The following SHISA5 variants were observed in gnomAD, a reference collection of about 807,000 sequenced individuals.
The protein encoded by SHISA5 is protein shisa-5.
SHISA5 carries 21 observed loss-of-function variants against 27.5 expected under a neutral mutation model. The observed-to-expected ratio is 0.76, with a 90% CI of 0.54 to 1.10. The LOEUF is 1.10. SHISA5 is among the 50% of genes least tolerant of loss of function. The pLI, the probability that SHISA5 is intolerant of heterozygous loss-of-function variation, is 0.00. For missense variants in SHISA5, 314 were observed against 336.3 expected, an observed-to-expected ratio of 0.93 and a Z score of 0.52; for synonymous variants, 137 against 142.2, an observed-to-expected ratio of 0.96 and a Z score of 0.26.
At chr3:48,472,998 G>A (rs976839803) in intron 3 of SHISA5, 14 of 1,535,424 alleles carry the variant, frequency 9.1e-6, no homozygotes, top group African/African-American at 2.7e-5. Flanking sequence ...GCAGCATGGC[G>A]CCCAAGCTCA....
intron 3 of SHISA5, among the ~76,000 whole-genome samples, chr3:48,477,941 A>G (rs1324066208): frequency 2.0e-5 from 3 of 152,014 alleles, no homozygotes; most frequent in Non-Finnish European, 1.5e-5. Context: ...CCCACCTCCC[A>G]CACCCACCCC....
chr3:48,485,543 A>T (rs886069926), intron 2 of SHISA5, among the ~76,000 whole-genome samples: 1 of 138,468 alleles, frequency 7.2e-6, no homozygotes, highest in African/African-American at 2.6e-5. Context: ...TATATATATT[A>T]TATATATAAT....
At position 48,469,998 on chromosome 3, in the gene SHISA5, T is replaced by G; in HGVS notation, c.315-155A>C. 1.0e-6 allele frequency: 1 copy of G among 976,188 alleles called. No homozygotes were observed. The highest frequency in any genetic ancestry group is 1.5e-6 in the Non-Finnish European group (1 of 663,530). The allele number at this position is 976,188 out of a possible 1,614,324, so 60.5% of individuals were successfully genotyped here. A position where few individuals can be genotyped will look rare whatever the true frequency, so the allele number is the denominator to read the frequency against. ...TGGCCTGCACCTGTTTCAATCTGTT[T>G]CCTCTTGTGTAAACTGGGGTATATG... On this transcript the variant is annotated intron_variant, in intron 3 of 5. Transcript: ENST00000296444. This position sits in a 1 kb window ranked among gnomAD's most constrained non-coding sequence, Gnocchi z 4.6.
rs578049684 is a variant in SHISA5 at position 48,479,926 on chromosome 3, C to T, written c.234-669G>A. On this transcript the variant is annotated intron_variant, in intron 2 of 5. Coordinates refer to ENST00000296444, the MANE Select transcript of SHISA5 (RefSeq NM_016479.6). ...CAAAGTTTTTTTTTTTTTTTTGAGA[C>T]AGAGTCTTGCTCTCTCGCCCAGGCT... Among the ~76,000 whole-genome samples, 9 of 122,068 alleles carry T rather than the reference C, an allele frequency of 7.4e-5. No homozygotes were observed. In the South Asian group the frequency reaches 2.4e-3, roughly 32 times the overall value. The allele number at this position is 122,068 out of a possible 152,430, so 80.1% of individuals were successfully genotyped here. A position where few individuals can be genotyped will look rare whatever the true frequency, so the allele number is the denominator to read the frequency against.
chr3:48,502,069 G>A (rs1358679674), intron 1 of SHISA5, among the ~76,000 whole-genome samples: 2 of 152,040 alleles, frequency 1.3e-5, no homozygotes, highest in African/African-American at 2.4e-5. Flanking sequence ...CGCCATGTTG[G>A]CCAGGCTGGT....
chr3:48,501,263 C>G lies in SHISA5; in HGVS notation c.107G>C (p.Gly36Ala). The G allele has an allele frequency of 1.2e-6, 2 of 1,614,118 alleles. No individual in the cohort carries two copies. Among genetic ancestry groups the G allele is most frequent in the Non-Finnish European group, 1.7e-6 (2 of 1,180,002 alleles). The stretch of plus-strand genomic sequence containing the variant: ...ACAGGACTCGGGGAAGAGGCTGAGT[C>G]CACGGGAAGCCATACACACCTCACC... ...ARGEVCMASR[G>A]LSLFPESCPD... is the part of the protein sequence containing the mutation. The change falls in exon 2 of 6, where the codon GGA becomes GCA. Residue 36 changes from glycine to alanine, a missense_variant. Gly to Ala is a moderately conservative substitution (Grantham distance 60, BLOSUM62 0). Coordinates refer to ENST00000296444, the MANE Select transcript of SHISA5 (RefSeq NM_016479.6).
rs1233130448 is a variant in SHISA5 at position 48,469,836 on chromosome 3, C to T, written c.322G>A (p.Ala108Thr). ...ATGGTCAGGCCAACGGCCAAGGTCG[C>T]TCCGAACCTGCCAAAGAGCTAGACG... ...GYNDPMSGFGATLAVGLTIFV... is the reference protein window; with the variant it reads ...GYNDPMSGFGTTLAVGLTIFV... The change falls in exon 4 of 6, where the codon GCG becomes ACG. Residue 108 changes from alanine to threonine, a missense_variant. Coordinates refer to ENST00000296444, the MANE Select transcript of SHISA5 (RefSeq NM_016479.6). The surrounding 1 kb of genome is among the most constrained non-coding windows in gnomAD (Gnocchi z 4.6). 1.2e-6 allele frequency: 2 copies of T among 1,613,392 alleles called. No individual in the cohort carries two copies. Among genetic ancestry groups the T allele is most frequent in the African/African-American group, 2.7e-5 (2 of 75,044 alleles).
At position 48,473,432 on chromosome 3, in the gene SHISA5, A is replaced by C; in HGVS notation, c.315-3589T>G. ...CCCCACCCCCACTTCCACCTAACCCACCGGCCCTGTTCCACCAGCCTCCAG... is the reference window on the plus strand; with the variant it reads ...CCCCACCCCCACTTCCACCTAACCCCCCGGCCCTGTTCCACCAGCCTCCAG... On this transcript the variant is annotated intron_variant, in intron 3 of 5. Coordinates refer to ENST00000296444, the MANE Select transcript of SHISA5 (RefSeq NM_016479.6). The surrounding 1 kb of genome is among the most constrained non-coding windows in gnomAD (Gnocchi z 4.3). The C allele has an allele frequency of 7.7e-7, 1 of 1,299,402 alleles. No homozygotes were observed. 80.5% of individuals were successfully genotyped at this position (1,299,402 alleles called of 1,614,324 possible).
rs771365039 is a variant in SHISA5, at chr3:48,467,887, G to C, written c.*1220C>G. 4.0e-6 allele frequency: 2 copies of C among 503,964 alleles called. No homozygotes were observed. Among genetic ancestry groups the C allele is most frequent in the Non-Finnish European group, 7.1e-6 (2 of 283,552 alleles). The allele number at this position is 503,964 out of a possible 1,614,324, so 31.2% of individuals were successfully genotyped here. A position where few individuals can be genotyped will look rare whatever the true frequency, so the allele number is the denominator to read the frequency against. ...AAGGGGGCAGCAGCTCCAAACGATT[G>C]CATTTATTATAAACAAGTGTACAGA... On this transcript the variant is annotated 3_prime_UTR_variant, in exon 6 of 6. Transcript: ENST00000296444.
At chr3:48,492,261 GA>G (rs2041455519) in intron 2 of SHISA5, among the ~76,000 whole-genome samples, 1 of 151,002 alleles carries the variant, frequency 6.6e-6, no homozygotes, top group Non-Finnish European at 1.5e-5. Flanking sequence ...ACGAGGTCAG[GA>G]GATCAAGACC....
At position 48,469,369 on chromosome 3, in the gene SHISA5, G is replaced by A. The variant is rs771045695; in HGVS notation, c.635C>T (p.Thr212Ile). The change falls in exon 5 of 6, where the codon ACC becomes ATC. Residue 212 changes from threonine to isoleucine, a missense_variant. Thr to Ile is a moderately conservative substitution (Grantham distance 89, BLOSUM62 -1). Transcript: ENST00000296444. The surrounding 1 kb of genome is among the most constrained non-coding windows in gnomAD (Gnocchi z 4.6). ...TTGGCAGGGGCACTCACCAGCCAGG[G>A]TCTCGTGGTAGGCCGGTGGGCCCAT... ...QPMGPPAYHE[T>I]LAGGAAAPYP... is the part of the protein sequence containing the mutation. 2 of 1,586,942 alleles carry A rather than the reference G, an allele frequency of 1.3e-6. No individual in the cohort carries two copies. The highest frequency in any genetic ancestry group is 1.7e-6 in the Non-Finnish European group (2 of 1,163,914).
At chr3:48,496,730 T>C (rs1468040035) in intron 2 of SHISA5, among the ~76,000 whole-genome samples, 1 of 146,586 alleles carries the variant, frequency 6.8e-6, no homozygotes, top group Non-Finnish European at 1.5e-5. Flanking sequence ...CTAGACTTCG[T>C]CTCAAAAAAA....
Position 48,487,848 on chromosome 3 carries a change from A to T in SHISA5, c.234-8591T>A, listed in dbSNP as rs549238529. Among the ~76,000 whole-genome samples, 7 of 152,330 alleles carry T rather than the reference A, an allele frequency of 4.6e-5. No individual in the cohort carries two copies. In the South Asian group the frequency reaches 1.0e-3, roughly 23 times the overall value. On this transcript the variant is annotated intron_variant, in intron 2 of 5. Coordinates refer to ENST00000296444, the MANE Select transcript of SHISA5 (RefSeq NM_016479.6). ...GAGGCAGAGGTTGCAGTGAGCCAAG[A>T]TCATGCCACTGCACTCCAGCCTGGG...
intron 1 of SHISA5, among the ~76,000 whole-genome samples, chr3:48,501,614 C>T (rs2041757029): frequency 6.6e-6 from 1 of 152,166 alleles, no homozygotes; most frequent in Admixed American, 6.6e-5. Context: ...CCCTAATTCC[C>T]ACTGCTTCAG....
Position 48,501,165 on chromosome 3 carries a change from C to T in SHISA5, c.205G>A (p.Glu69Lys), listed in dbSNP as rs1231841738. 13 of 1,609,914 alleles carry T rather than the reference C, an allele frequency of 8.1e-6. No homozygotes were observed. The highest frequency in any genetic ancestry group is 4.4e-5 in the South Asian group (4 of 90,864). The change falls in exon 2 of 6, where the codon GAG becomes AAG. Residue 69 changes from glutamate to lysine, a missense_variant. By Grantham distance (56) the Glu-to-Lys change is moderately conservative (BLOSUM62 1). Transcript: ENST00000296444. ...GCCTCAGGCACAGCACACCTTTCCT[C>T]GCTCCACACAAATTTCTTCAGCACG... The part of the protein sequence containing the change: ...SDVLKKFVWS[E>K]ERCAVPEASV...
chr3:48,504,103 G>T lies in SHISA5; in HGVS notation c.-9C>A, dbSNP rs2041833675. Reference sequence around the variant, plus strand: ...GGGACCGGCGCAGTCATGGCTGGGCGGGCGGACGGGCGGACGGACGCGAGC... The same window carrying T: ...GGGACCGGCGCAGTCATGGCTGGGCTGGCGGACGGGCGGACGGACGCGAGC... On this transcript the variant is annotated 5_prime_UTR_variant, in exon 1 of 6. Transcript: ENST00000296444. This position sits in a 1 kb window ranked among gnomAD's most constrained non-coding sequence, Gnocchi z 4.0. 4 of 1,251,966 alleles carry T rather than the reference G, an allele frequency of 3.2e-6. No individual in the cohort carries two copies. The highest frequency in any genetic ancestry group is 2.4e-4 in the Middle Eastern group (1 of 4,126). 77.6% of individuals were successfully genotyped at this position (1,251,966 alleles called of 1,614,324 possible). A position where few individuals can be genotyped will look rare whatever the true frequency, so the allele number is the denominator to read the frequency against.
intron 3 of SHISA5, chr3:48,477,004 T>G (rs1306104297): frequency 2.3e-6 from 1 of 431,666 alleles, no homozygotes. Context: ...ACCTCCCTGC[T>G]GCCACAACCC....
chr3:48,494,001 T>A (rs926034748), intron 2 of SHISA5, among the ~76,000 whole-genome samples: 5 of 147,474 alleles, frequency 3.4e-5, no homozygotes, highest in Non-Finnish European at 5.9e-5. Context: ...CCTTAGCAAT[T>A]TTCAAGTATA....
At chr3:48,487,806 G>C (rs1413651725) in intron 2 of SHISA5, among the ~76,000 whole-genome samples, 1 of 152,184 alleles carries the variant, frequency 6.6e-6, no homozygotes, top group Admixed American at 6.5e-5. Context: ...TGAGGTAGGA[G>C]AATCGCTTGA....
Sources: allele counts gnomAD v4.1 joint callset (sites outside exome capture counted in the v4.1 genomes callset), GRCh38; gene constraint gnomAD v4.1.1; non-coding constraint Gnocchi (gnomAD v3.1); transcripts MANE v1.5; gene names NCBI Gene and HGNC (gene_info 2026-07-23, HGNC 2026-07-21).